Variants in ZNF704 observed in about 807,000 individuals in gnomAD.
ZNF704 encodes the protein glucocorticoid induced gene 1.
ZNF704 carries 10 observed loss-of-function variants against 44.7 expected under a neutral mutation model. The ratio of observed to expected loss-of-function variants is 0.22; its 90% confidence interval spans 0.14 to 0.38. The LOEUF (loss-of-function observed/expected upper bound fraction) is 0.38, where lower values mean the gene tolerates loss of function less well. Ranked by LOEUF, ZNF704 falls within the 10% of genes least tolerant of loss-of-function variation. The pLI, the probability that ZNF704 is intolerant of heterozygous loss-of-function variation, is 1.00. For missense variants in ZNF704, 390 were observed against 545.5 expected (o/e 0.71, Z 2.84); for synonymous variants, 211 against 207.6 (o/e 1.02, Z -0.14).
At chr8:80,828,269 G>T (rs941768521) in intron 1 of ZNF704, among the ~76,000 whole-genome samples, 2 of 152,170 alleles carry the variant, frequency 1.3e-5, no homozygotes, top group African/African-American at 2.4e-5. Flanking sequence ...AAAATGTAAT[G>T]ATGATTATGG....
intron 6 of ZNF704, 123 bp downstream of exon 6, chr8:80,664,692 A>C: frequency 8.2e-7 from 1 of 1,222,864 alleles, no homozygotes. Flanking sequence ...AGAAAAATCA[A>C]AGCTACCGGG....
intron 2 of ZNF704, among the ~76,000 whole-genome samples, chr8:80,744,675 GC>G (rs1349294869): frequency 1.3e-5 from 2 of 152,156 alleles, no homozygotes; most frequent in Non-Finnish European, 2.9e-5. Context: ...TTTTATTTAT[GC>G]ACAGAGCCAG....
At chr8:80,772,221 G>T (rs1807332462) in intron 2 of ZNF704, among the ~76,000 whole-genome samples, 1 of 152,128 alleles carries the variant, frequency 6.6e-6, no homozygotes, top group Non-Finnish European at 1.5e-5. Flanking sequence ...GGTAATACTA[G>T]TTTCATAAAA....
At chr8:80,648,648 GAAC>G (rs1214630418) in intron 7 of ZNF704, among the ~76,000 whole-genome samples, 4 of 152,342 alleles carry the variant, frequency 2.6e-5, no homozygotes, top group South Asian at 2.1e-4. Flanking sequence ...ATGGCCTGCA[GAAC>G]ATCCCAGAGG....
At chr8:80,653,794 C>G (rs1319788190) in intron 7 of ZNF704, among the ~76,000 whole-genome samples, 2 of 152,114 alleles carry the variant, frequency 1.3e-5, no homozygotes, top group East Asian at 1.9e-4. Flanking sequence ...CAATGTCATC[C>G]CCATCAAGCT....
rs1817664244 is a variant in ZNF704 at position 80,636,451 on chromosome 8, C to T, written c.*4915G>A. ...TGGTCTTAAATACATTTTATACTTT[C>T]TTGCTCTATTGGTGTGCATTACTCA... On this transcript the variant is annotated 3_prime_UTR_variant, in exon 9 of 9. Coordinates refer to ENST00000327835, the MANE Select transcript of ZNF704 (RefSeq NM_001033723.3). 1 of 152,164 alleles carries T rather than the reference C, an allele frequency of 6.6e-6. No homozygotes were observed. The highest frequency in any genetic ancestry group is 2.4e-5 in the African/African-American group (1 of 41,430). The allele number at this position is 152,164 out of a possible 1,614,324, so 9.4% of individuals were successfully genotyped here.
intron 2 of ZNF704, among the ~76,000 whole-genome samples, chr8:80,800,760 G>A (rs1807885473): frequency 6.6e-6 from 1 of 152,076 alleles, no homozygotes; most frequent in African/African-American, 2.4e-5. Context: ...AAACAGGTCT[G>A]CAAAACAACC....
rs1334888805 is a variant in ZNF704, at chr8:80,653,118, AC to A, written c.1032+6466del. ...AAAAGGCCTTCGACAAAATTCAACA[AC>A]CCTTCATGCTAAAAACTCTCAATAA... On this transcript the variant is annotated intron_variant, in intron 7 of 8. Transcript: ENST00000327835. 2.0e-5 allele frequency among the ~76,000 whole-genome samples: 3 copies of A among 152,214 alleles called. No individual in the cohort carries two copies. The East Asian group carries it at 5.8e-4, about 29-fold the overall frequency.
chr8:80,798,554 C>G (rs566026732), intron 2 of ZNF704, among the ~76,000 whole-genome samples: 3 of 152,230 alleles, frequency 2.0e-5, no homozygotes, highest in African/African-American at 7.2e-5. Flanking sequence ...GATGCCCGGC[C>G]CTGGTGTCCA....
At chr8:80,683,737 A>G (rs1003447446) in intron 4 of ZNF704, among the ~76,000 whole-genome samples, 3 of 152,248 alleles carry the variant, frequency 2.0e-5, no homozygotes, top group African/African-American at 7.2e-5. Context: ...TAACTAAATA[A>G]GCAAATATAG....
chr8:80,634,111 A>C lies in ZNF704; in HGVS notation c.*7255T>G, dbSNP rs1443286641. ...GCCAAGGGCTTTGGCACAAGGAGGCAATGTGTGCTCGCTTCAAGCTTCAGA... is the reference window on the plus strand; with the variant it reads ...GCCAAGGGCTTTGGCACAAGGAGGCCATGTGTGCTCGCTTCAAGCTTCAGA... On this transcript the variant is annotated 3_prime_UTR_variant, in exon 9 of 9. Transcript: ENST00000327835. 1 of 152,110 alleles carries C rather than the reference A, an allele frequency of 6.6e-6. No homozygotes were observed. The highest frequency in any genetic ancestry group is 2.4e-5 in the African/African-American group (1 of 41,404). The allele number at this position is 152,110 out of a possible 1,614,324, so 9.4% of individuals were successfully genotyped here. A position where few individuals can be genotyped will look rare whatever the true frequency, so the allele number is the denominator to read the frequency against.
At position 80,640,295 on chromosome 8, in the gene ZNF704, C is replaced by G. The variant is rs1174152975; in HGVS notation, c.*1071G>C. ...CTCAGAATGGAAGTGGTTTGTTGAT[C>G]TAACATGACTTTCTGAACAGGTAGG... On this transcript the variant is annotated 3_prime_UTR_variant, in exon 9 of 9. Coordinates refer to ENST00000327835, the MANE Select transcript of ZNF704 (RefSeq NM_001033723.3). The G allele has an allele frequency of 6.6e-6, 1 of 152,616 alleles. No individual in the cohort carries two copies. Among genetic ancestry groups the G allele is most frequent in the African/African-American group, 2.4e-5 (1 of 41,442 alleles). The allele number at this position is 152,616 out of a possible 1,614,324, so 9.5% of individuals were successfully genotyped here. A position where few individuals can be genotyped will look rare whatever the true frequency, so the allele number is the denominator to read the frequency against.
chr8:80,745,674 A>G (rs933032753), intron 2 of ZNF704, among the ~76,000 whole-genome samples: 4 of 152,232 alleles, frequency 2.6e-5, no homozygotes, highest in African/African-American at 9.6e-5. Context: ...GAATGTGTCT[A>G]TTAAAAATAT....
chr8:80,825,097 G>A (rs1375509323), intron 1 of ZNF704, among the ~76,000 whole-genome samples: 1 of 152,132 alleles, frequency 6.6e-6, no homozygotes, highest in African/African-American at 2.4e-5. Context: ...ATGTAAATGG[G>A]CTAAATGCTC....
At chr8:80,827,312 C>T (rs528952763) in intron 1 of ZNF704, among the ~76,000 whole-genome samples, 1 of 152,280 alleles carries the variant, frequency 6.6e-6, no homozygotes, top group South Asian at 2.1e-4. Flanking sequence ...GAGTGAATTC[C>T]CATTCACAAT....
chr8:80,764,787 C>T (rs893062970), intron 2 of ZNF704, among the ~76,000 whole-genome samples: 1 of 152,176 alleles, frequency 6.6e-6, no homozygotes, highest in African/African-American at 2.4e-5. Flanking sequence ...TTAAGAGAGC[C>T]TCGTACGCTT....
At chr8:80,823,247 T>C (rs1808309776) in intron 1 of ZNF704, among the ~76,000 whole-genome samples, 1 of 152,190 alleles carries the variant, frequency 6.6e-6, no homozygotes, top group Non-Finnish European at 1.5e-5. Context: ...CCAATGGCCT[T>C]AGCAAACAGC....
At chr8:80,836,213 C>G (rs1808555799) in intron 1 of ZNF704, among the ~76,000 whole-genome samples, 1 of 152,222 alleles carries the variant, frequency 6.6e-6, no homozygotes. Flanking sequence ...TTTGCTCCCT[C>G]TCCTACTTCC....
chr8:80,841,934 C>CA (rs1438900406), intron 1 of ZNF704, among the ~76,000 whole-genome samples: 2 of 152,188 alleles, frequency 1.3e-5, no homozygotes, highest in African/African-American at 4.8e-5. Flanking sequence ...ATGACAGGCA[C>CA]ATGCCACCAC....
Sources: gnomAD v4.1 joint callset for allele counts (sites outside exome capture counted in the v4.1 genomes callset) on GRCh38, gnomAD v4.1.1 for gene constraint, MANE v1.5 for transcripts, NCBI Gene and HGNC (gene_info 2026-07-23, HGNC 2026-07-21) for gene names.